EMB: variants seen among roughly 807,000 people sequenced by gnomAD.
The protein encoded by EMB is embigin, also known as embigin homolog.
Under a neutral mutation model 41.4 loss-of-function variants are expected in EMB, and 31 were observed. That is an observed-to-expected ratio of 0.75 (90% CI 0.56 to 1.01). The LOEUF (loss-of-function observed/expected upper bound fraction) is 1.01, where lower values mean the gene tolerates loss of function less well. Ranked by LOEUF, EMB falls within the 50% of genes least tolerant of loss-of-function variation. EMB has a pLI of 0.00. For synonymous variants in EMB, 137 were observed against 140.4 expected (o/e 0.98, Z 0.17); for missense variants, 379 against 388.3 (o/e 0.98, Z 0.20).
chr5:50,437,663 T>C (rs572137645), intron 1 of EMB, among the ~76,000 whole-genome samples: 14 of 135,790 alleles, frequency 1.0e-4, no homozygotes, highest in African/African-American at 3.8e-4. Flanking sequence ...TACTGAGATA[T>C]GGACTAACAA....
In EMB at chr5:50,441,131, C is replaced by G; in HGVS notation, c.21G>C (p.Leu7=). 6.6e-7 allele frequency: 1 copy of G among 1,507,230 alleles called. No homozygotes were observed. 93.4% of individuals were successfully genotyped at this position (1,507,230 alleles called of 1,614,324 possible). Residue 7 remains leucine, a synonymous_variant, in exon 1 of 9, where the codon CTG becomes CTC. Coordinates refer to ENST00000303221, the MANE Select transcript of EMB (RefSeq NM_198449.3). MRALPG[L]LEARARTPRL... Reference sequence around the variant, plus strand: ...GGGGCGTACGCGCCCTGGCCTCCAGCAGGCCGGGGAGGGCGCGCATGGCGC... The same window carrying G: ...GGGGCGTACGCGCCCTGGCCTCCAGGAGGCCGGGGAGGGCGCGCATGGCGC...
rs1745905732 is a variant in EMB at position 50,441,182 on chromosome 5, G to GA, written c.-32dup. On this transcript the variant is annotated 5_prime_UTR_variant, in exon 1 of 9. Transcript: ENST00000303221. Reference sequence around the variant, plus strand: ...CAGAGGGTCCGCCTGGGTCCTCGTGGAGACTGCTCCCTCAGCTCGCCGCCG... The same window carrying GA: ...CAGAGGGTCCGCCTGGGTCCTCGTGGAAGACTGCTCCCTCAGCTCGCCGCCG... 3 of 1,332,812 alleles carry GA rather than the reference G, an allele frequency of 2.3e-6. No homozygotes were observed. In the East Asian group the frequency reaches 9.1e-5, roughly 41 times the overall value. The allele number at this position is 1,332,812 out of a possible 1,614,324, so 82.6% of individuals were successfully genotyped here.
intron 1 of EMB, among the ~76,000 whole-genome samples, chr5:50,431,663 A>C (rs937058956): frequency 6.6e-6 from 1 of 152,240 alleles, no homozygotes; most frequent in Non-Finnish European, 1.5e-5. Flanking sequence ...ATGAGTGATG[A>C]TGCCAAGATC....
At chr5:50,440,744 A>G (rs1387338817) in intron 1 of EMB, among the ~76,000 whole-genome samples, 2 of 151,982 alleles carry the variant, frequency 1.3e-5, no homozygotes, top group South Asian at 2.1e-4. Flanking sequence ...CCTTCTTCCT[A>G]GGAAAAACCA....
chr5:50,435,109 C>T (rs1745782962), intron 1 of EMB, among the ~76,000 whole-genome samples: 2 of 152,154 alleles, frequency 1.3e-5, no homozygotes, highest in Admixed American at 1.3e-4. Context: ...TAAACTGAAG[C>T]TTTCTCAGGT....
chr5:50,410,842 A>G, intron 4 of EMB, 35 bp downstream of exon 4: 1 of 1,241,554 alleles, frequency 8.1e-7, no homozygotes, highest in South Asian at 1.4e-5. Context: ...ATAATGCTGA[A>G]GTTATTAACT....
intron 1 of EMB, among the ~76,000 whole-genome samples, chr5:50,430,200 G>C (rs896421837): frequency 2.6e-5 from 4 of 152,162 alleles, no homozygotes; most frequent in Admixed American, 6.5e-5. Context: ...CCAGGCGGGG[G>C]TGGATGAGAA....
chr5:50,425,503 AAC>A (rs1745595421), intron 2 of EMB, among the ~76,000 whole-genome samples: 1 of 151,556 alleles, frequency 6.6e-6, no homozygotes, highest in Admixed American at 6.6e-5. Context: ...AGAGGAAAAA[AAC>A]AAAAAAAATA....
intron 4 of EMB, among the ~76,000 whole-genome samples, chr5:50,407,500 A>G (rs1745267597): frequency 6.6e-6 from 1 of 152,000 alleles, no homozygotes; most frequent in African/African-American, 2.4e-5. Flanking sequence ...GCTGAAACCA[A>G]AATTCTGTTT....
At chr5:50,414,225 T>C (rs961834771) in intron 2 of EMB, among the ~76,000 whole-genome samples, 3 of 152,016 alleles carry the variant, frequency 2.0e-5, no homozygotes, top group Non-Finnish European at 4.4e-5. Flanking sequence ...AGAAAAATAA[T>C]ACAACTCAAA....
intron 1 of EMB, among the ~76,000 whole-genome samples, chr5:50,438,299 G>T (rs993554164): frequency 2.6e-5 from 4 of 152,148 alleles, no homozygotes; most frequent in African/African-American, 9.7e-5. Context: ...GAAGGTCAAG[G>T]CTGCAGTGAG....
intron 1 of EMB, among the ~76,000 whole-genome samples, chr5:50,430,069 G>A (rs6450107): frequency 0.4 from 59,769 of 149,270 alleles, 12,348 homozygotes; most frequent in African/African-American, 0.52. Context: ...TCCCATAAAT[G>A]TTATTTTCCT....
intron 3 of EMB, 70 bp from the exon 4 acceptor site, chr5:50,411,035 C>T (rs1745327974): frequency 4.7e-6 from 6 of 1,269,902 alleles, no homozygotes; most frequent in Admixed American, 2.6e-5. Flanking sequence ...AAGACTTAGC[C>T]ATTAATAAAA....
chr5:50,435,209 T>C (rs1745784584), intron 1 of EMB, among the ~76,000 whole-genome samples: 1 of 152,128 alleles, frequency 6.6e-6, no homozygotes, highest in South Asian at 2.1e-4. Flanking sequence ...ACCATATGAG[T>C]AAGTTTCTGA....
chr5:50,435,752 C>T (rs1745793565), intron 1 of EMB, among the ~76,000 whole-genome samples: 1 of 152,094 alleles, frequency 6.6e-6, no homozygotes, highest in Non-Finnish European at 1.5e-5. Context: ...GTACTTTGTA[C>T]CCCATCAAAG....
rs949429763 is a variant in EMB at position 50,427,054 on chromosome 5, C to T, written c.196+1090G>A. Among the ~76,000 whole-genome samples the T allele has an allele frequency of 1.2e-4, 19 of 152,176 alleles. 1 individual carries two copies. Among genetic ancestry groups the T allele is most frequent in the Admixed American group, 1.2e-3 (18 of 15,276 alleles). ...GACTCTAAGACTAATTTACCCACCA[C>T]CATCACTCACCAGTCAGAACTTGTT... is the stretch of plus-strand genomic sequence containing the variant. On this transcript the variant is annotated intron_variant, in intron 2 of 8. Transcript: ENST00000303221.
rs1163357655 is a variant in EMB at position 50,399,120 on chromosome 5, A to G, written c.*153T>C. 6.2e-6 allele frequency: 6 copies of G among 972,030 alleles called. No homozygotes were observed. 60.2% of individuals were successfully genotyped at this position (972,030 alleles called of 1,614,324 possible). A position where few individuals can be genotyped will look rare whatever the true frequency, so the allele number is the denominator to read the frequency against. Reference sequence around the variant, plus strand: ...ATGAAAATATACCTTTAGATCTGACATATATCGTTGATGAAGCTCCTGCTG... The same window carrying G: ...ATGAAAATATACCTTTAGATCTGACGTATATCGTTGATGAAGCTCCTGCTG... On this transcript the variant is annotated 3_prime_UTR_variant, in exon 9 of 9. Coordinates refer to ENST00000303221, the MANE Select transcript of EMB (RefSeq NM_198449.3).
chr5:50,414,363 A>C (rs1337449687), intron 2 of EMB, among the ~76,000 whole-genome samples: 3 of 151,302 alleles, frequency 2.0e-5, no homozygotes, highest in Admixed American at 2.0e-4. Context: ...CATCTCCACA[A>C]AAAAAAAGAA....
At chr5:50,417,956 C>T (rs549511969) in intron 2 of EMB, among the ~76,000 whole-genome samples, 1 of 152,250 alleles carries the variant, frequency 6.6e-6, no homozygotes, top group African/African-American at 2.4e-5. Context: ...CACTGTTTTC[C>T]TCCACTTCAT....
Sources: gnomAD v4.1 joint callset for allele counts (sites outside exome capture counted in the v4.1 genomes callset) on GRCh38, gnomAD v4.1.1 for gene constraint, MANE v1.5 for transcripts, NCBI Gene and HGNC (gene_info 2026-07-23, HGNC 2026-07-21) for gene names.